Variants in URI1 observed in about 807,000 individuals in gnomAD.
URI1 encodes unconventional prefoldin RPB5 interactor 1.
A neutral mutation model predicts 60.2 loss-of-function variants in URI1; 39 were observed. That is an observed-to-expected ratio of 0.65 (90% CI 0.50 to 0.85). The LOEUF is 0.85. Among genes scored for constraint, URI1 ranks in the 40% least tolerant of loss-of-function variants. The pLI is 0.00. For synonymous variants in URI1, 251 were observed against 236.8 expected (o/e 1.06, Z -0.55); for missense variants, 691 against 665.9 (o/e 1.04, Z -0.42).
chr19:30,005,098 G>A (rs2055923542), intron 4 of URI1, among the ~76,000 whole-genome samples: 1 of 151,994 alleles, frequency 6.6e-6, no homozygotes, highest in South Asian at 2.1e-4. Context: ...GCACCAGGCA[G>A]CATCTACAAT....
chr19:29,997,538 G>T (rs1172715663), intron 4 of URI1, among the ~76,000 whole-genome samples: 1 of 151,760 alleles, frequency 6.6e-6, no homozygotes, highest in African/African-American at 2.4e-5. Flanking sequence ...ATTCTGTTTT[G>T]TTTATCATTC....
intron 1 of URI1, among the ~76,000 whole-genome samples, chr19:29,943,254 C>G (rs1237777688): frequency 5.9e-5 from 9 of 152,096 alleles, no homozygotes; most frequent in Non-Finnish European, 1.2e-4. Context: ...GTCACCGCAC[C>G]CGGCTCATTT....
chr19:30,009,276 A>G lies in URI1; in HGVS notation c.958A>G (p.Asn320Asp), dbSNP rs1232997738. 11 of 1,613,956 alleles carry G rather than the reference A, an allele frequency of 6.8e-6. No homozygotes were observed. The highest frequency in any genetic ancestry group is 9.3e-6 in the Non-Finnish European group (11 of 1,179,982). ...CAACATTGACGACGATGATGGTGAT[A>G]ACGACCATGAGGCTTTAGGGGTTGG... ...DDNIDDDDGD[N>D]DHEALGVGDN... is the part of the protein sequence containing the mutation. Residue 320 changes from asparagine (N) to aspartate (D), a missense_variant, in exon 8 of 11, where the codon AAC becomes GAC. By Grantham distance (23) the Asn-to-Asp change is conservative. Coordinates refer to ENST00000392271, the MANE Select transcript of URI1 (RefSeq NM_003796.3).
chr19:29,997,991 C>G (rs1388359307), intron 4 of URI1, among the ~76,000 whole-genome samples: 2 of 152,132 alleles, frequency 1.3e-5, no homozygotes, highest in African/African-American at 4.8e-5. Flanking sequence ...TCTTGAATTC[C>G]TGGCCTCAAG....
chr19:29,957,054 A>G (rs1264885691), intron 1 of URI1: 1 of 558,540 alleles, frequency 1.8e-6, no homozygotes, highest in African/African-American at 1.9e-5. Flanking sequence ...AAATTGGATG[A>G]TGTCATTTTG....
chr19:29,949,125 G>A (rs1286526794), intron 1 of URI1, among the ~76,000 whole-genome samples: 1 of 147,700 alleles, frequency 6.8e-6, no homozygotes, highest in African/African-American at 2.5e-5. Context: ...GGCAGCTGCC[G>A]GGCGGAGGGG....
At chr19:29,989,858 C>G (rs184685576) in intron 4 of URI1, among the ~76,000 whole-genome samples, 1 of 151,174 alleles carries the variant, frequency 6.6e-6, no homozygotes, top group African/African-American at 2.4e-5. Context: ...TTTTCATTCT[C>G]TTAACAGTGT....
intron 1 of URI1, among the ~76,000 whole-genome samples, chr19:29,964,459 G>GTTTTTTTTTTTTTTTT (rs202018051): frequency 7.5e-6 from 1 of 133,350 alleles, no homozygotes; most frequent in Non-Finnish European, 1.6e-5. Context: ...TTTGTTTTTT[G>GTTTTTTTTTTTTTTTT]TTTTGTTTTT....
Position 30,011,110 on chromosome 19 carries a change from G to T in URI1, c.1052G>T (p.Gly351Val). Residue 351 changes from glycine (G) to valine (V), a missense_variant, in exon 9 of 11, where the codon GGA becomes GTA. Transcript: ENST00000392271. Reference sequence around the variant, plus strand: ...AAATTTTAGGTCCGAATAAATACTGGAAAGAATACCACTTTAAAATTCAGT... The same window carrying T: ...AAATTTTAGGTCCGAATAAATACTGTAAAGAATACCACTTTAAAATTCAGT... ...VEPKRVRINT[G>V]KNTTLKFSEK... The T allele has an allele frequency of 6.2e-7, 1 of 1,608,460 alleles. No individual in the cohort carries two copies. Among genetic ancestry groups the T allele is most frequent in the Non-Finnish European group, 8.5e-7 (1 of 1,178,188 alleles).
At position 29,944,167 on chromosome 19, in the gene URI1, ATATATATATATATAT is replaced by A. The variant is rs2055071542; in HGVS notation, c.117+1504_117+1518del. 4.1e-5 allele frequency among the ~76,000 whole-genome samples: 3 copies of A among 73,848 alleles called. 1 individual carries two copies. Among genetic ancestry groups the A allele is most frequent in the African/African-American group, 2.1e-4 (3 of 14,300 alleles). The allele number at this position is 73,848 out of a possible 152,430, so 48.4% of individuals were successfully genotyped here. The stretch of plus-strand genomic sequence containing the variant: ...TATATATATATATATATATATATAT[ATATATATATATATAT>A]ATATATATATAAAACTTAACTAGTT... On this transcript the variant is annotated intron_variant, in intron 1 of 10. Transcript: ENST00000392271.
At chr19:29,986,256 C>CT (rs755779786) in intron 3 of URI1, 26 bp from the exon 4 acceptor site, 2 of 1,522,242 alleles carry the variant, frequency 1.3e-6, no homozygotes, top group African/African-American at 1.4e-5. Context: ...TGTTTTTTCC[C>CT]TTTTTTCTTT....
Position 29,942,466 on chromosome 19 carries a change from G to A in URI1, c.-82G>A, listed in dbSNP as rs543032573. ...GCGGTGCCTGAGGGCGGGCGCGCGGGCGCTGGGCAACTGCCGGCCGCGCCG... is the reference window on the plus strand; with the variant it reads ...GCGGTGCCTGAGGGCGGGCGCGCGGACGCTGGGCAACTGCCGGCCGCGCCG... On this transcript the variant is annotated 5_prime_UTR_variant, in exon 1 of 11. Transcript: ENST00000392271. 7.7e-4 allele frequency: 810 copies of A among 1,048,326 alleles called. 5 individuals carry two copies. The African/African-American group carries it at 0.013, about 17-fold the overall frequency. The allele number at this position is 1,048,326 out of a possible 1,614,324, so 64.9% of individuals were successfully genotyped here. A position where few individuals can be genotyped will look rare whatever the true frequency, so the allele number is the denominator to read the frequency against.
chr19:29,967,999 C>T (rs1157562749), intron 1 of URI1, among the ~76,000 whole-genome samples: 2 of 152,128 alleles, frequency 1.3e-5, no homozygotes, highest in African/African-American at 4.8e-5. Context: ...AGAATGGATA[C>T]CATATGACTT....
intron 4 of URI1, among the ~76,000 whole-genome samples, chr19:29,994,139 G>A (rs2055781789): frequency 6.6e-6 from 1 of 151,916 alleles, no homozygotes; most frequent in Admixed American, 6.6e-5. Flanking sequence ...ACAATTGCTG[G>A]CATGAAGTGA....
chr19:29,945,736 AGTAT>A (rs1362641072), intron 1 of URI1, among the ~76,000 whole-genome samples: 8 of 152,176 alleles, frequency 5.3e-5, no homozygotes, highest in African/African-American at 1.9e-4. Flanking sequence ...AAACTAGGAC[AGTAT>A]GTATAGGGTG....
chr19:29,990,915 G>A (rs2055738250), intron 4 of URI1, among the ~76,000 whole-genome samples: 1 of 152,176 alleles, frequency 6.6e-6, no homozygotes, highest in Non-Finnish European at 1.5e-5. Context: ...GAGCCATTTT[G>A]TGTAATTGTG....
Position 29,942,530 on chromosome 19 carries a change from G to A in URI1, c.-18G>A. ...TGGTTCAGGACTCACACGCCGCGCT[G>A]AGGCCCGCGGGCCCGTCATGGAGGC... On this transcript the variant is annotated 5_prime_UTR_variant, in exon 1 of 11. The change abolishes the stop of an existing upstream ORF in the 5' untranslated region. Transcript: ENST00000392271. 2.2e-6 allele frequency: 3 copies of A among 1,380,790 alleles called. No homozygotes were observed. Among genetic ancestry groups the A allele is most frequent in the Non-Finnish European group, 2.8e-6 (3 of 1,066,708 alleles). The allele number at this position is 1,380,790 out of a possible 1,614,324, so 85.5% of individuals were successfully genotyped here. A position where few individuals can be genotyped will look rare whatever the true frequency, so the allele number is the denominator to read the frequency against.
At chr19:29,961,675 G>GTTTTTTTTTTTTTTTT (rs200425572) in intron 1 of URI1, among the ~76,000 whole-genome samples, 4 of 117,630 alleles carry the variant, frequency 3.4e-5, no homozygotes, top group Admixed American at 8.6e-5. Context: ...TTTTTTTTTT[G>GTTTTTTTTTTTTTTTT]TTTTTTTTTT....
chr19:29,967,982 G>A (rs1322918144), intron 1 of URI1, among the ~76,000 whole-genome samples: 1 of 152,188 alleles, frequency 6.6e-6, no homozygotes, highest in Admixed American at 6.5e-5. Context: ...ACAGTTTTGT[G>A]TTGCAAAGAA....
Sources: gnomAD v4.1 joint callset for allele counts (sites outside exome capture counted in the v4.1 genomes callset) on GRCh38, gnomAD v4.1.1 for gene constraint, MANE v1.5 for transcripts, NCBI Gene and HGNC (gene_info 2026-07-23, HGNC 2026-07-21) for gene names.